The following DIPK1A variants were observed in gnomAD, a reference collection of about 807,000 sequenced individuals.
DIPK1A encodes the protein divergent protein kinase domain 1A.
In DIPK1A, 27 loss-of-function variants were observed where a neutral mutation model predicts 40.8. The observed-to-expected ratio is 0.66, with a 90% CI of 0.49 to 0.91. DIPK1A has a LOEUF of 0.91. DIPK1A is among the 40% of genes least tolerant of loss of function. The pLI, the probability that DIPK1A is intolerant of heterozygous loss-of-function variation, is 0.00. For synonymous variants in DIPK1A, 166 were observed against 171.3 expected, an observed-to-expected ratio of 0.97 and a Z score of 0.24; for missense variants, 412 against 505.7, an observed-to-expected ratio of 0.81 and a Z score of 1.78.
chr1:92,843,848 TC>T lies in DIPK1A; in HGVS notation c.821del (p.Gly274AspfsTer3). On this transcript the variant is annotated frameshift_variant, in exon 5 of 5. Transcript: ENST00000370310. LOFTEE classifies it high-confidence loss of function. ...AAACATCTTCCACAAATTCTAGAAG[TC>T]CTATGGCTATTTTGGCCTTTCTTGG... ...SWPRKAKIAI[G>X]LLEFVEDVFH... 3 of 1,551,792 alleles carry T rather than the reference TC, an allele frequency of 1.9e-6. No homozygotes were observed. Among genetic ancestry groups the T allele is most frequent in the Non-Finnish European group, 2.6e-6 (3 of 1,147,008 alleles).
intron 1 of DIPK1A, among the ~76,000 whole-genome samples, chr1:92,928,742 G>A (rs1326249436): frequency 6.6e-6 from 1 of 152,122 alleles, no homozygotes; most frequent in Non-Finnish European, 1.5e-5. Flanking sequence ...TGGGCAGATC[G>A]CTTGAGCTCA....
At chr1:92,839,856 T>G (rs1323049654), downstream of DIPK1A, among the ~76,000 whole-genome samples, 1 of 152,096 alleles carries the variant, frequency 6.6e-6, no homozygotes, top group Non-Finnish European at 1.5e-5. Context: ...ACTTTTTTTT[T>G]TTGAGGCAGG....
At chr1:92,898,110 AAAAC>A (rs1479448581) in intron 1 of DIPK1A, among the ~76,000 whole-genome samples, 3 of 16,602 alleles carry the variant, frequency 1.8e-4, no homozygotes, top group African/African-American at 3.2e-4. Context: ...AAAAAAACAA[AAAAC>A]AAACAAACAA....
intron 1 of DIPK1A, among the ~76,000 whole-genome samples, chr1:92,950,086 G>C (rs1049902613): frequency 7.9e-5 from 12 of 152,170 alleles, no homozygotes; most frequent in African/African-American, 2.4e-4. Context: ...GGTCACAGAA[G>C]AGGTACACTA....
intron 1 of DIPK1A, among the ~76,000 whole-genome samples, chr1:92,911,291 C>A (rs1192018076): frequency 1.3e-5 from 2 of 152,180 alleles, no homozygotes; most frequent in Non-Finnish European, 2.9e-5. Flanking sequence ...CTGTCTTGTT[C>A]CTTCCACCCT....
At chr1:92,909,988 T>A (rs1035184501) in intron 1 of DIPK1A, among the ~76,000 whole-genome samples, 4 of 152,190 alleles carry the variant, frequency 2.6e-5, no homozygotes, top group African/African-American at 9.6e-5. Context: ...TTGTACCAAA[T>A]AAATCACGAG....
intron 1 of DIPK1A, among the ~76,000 whole-genome samples, chr1:92,894,532 A>C (rs1194811457): frequency 6.6e-6 from 1 of 152,108 alleles, no homozygotes; most frequent in African/African-American, 2.4e-5. Flanking sequence ...ATAGCACTAA[A>C]TGCCCACAAG....
intron 1 of DIPK1A, among the ~76,000 whole-genome samples, chr1:92,897,598 T>C (rs1052323017): frequency 4.6e-5 from 7 of 152,254 alleles, no homozygotes; most frequent in African/African-American, 1.7e-4. Context: ...GTGGCACATG[T>C]ATACATATGT....
At chr1:92,842,069 TTC>T (rs1687388223), downstream of DIPK1A, 15 of 802,168 alleles carry the variant, frequency 1.9e-5, no homozygotes, top group Non-Finnish European at 2.6e-5. Flanking sequence ...TTTCTTGGGC[TTC>T]TGTTTTACCT....
chr1:92,912,003 CAAAAAAAAAAAAA>C lies in DIPK1A; in HGVS notation c.55-35586_55-35574del, dbSNP rs5776162. On this transcript the variant is annotated intron_variant, in intron 1 of 4. Transcript: ENST00000370310. ...TGGGTGACAGAGCAGGACTCCATCT[CAAAAAAAAAAAAA>C]AAAAAAAAAAAAAAAGGGTACGTTT... is the stretch of plus-strand genomic sequence containing the variant. Among the ~76,000 whole-genome samples the C allele has an allele frequency of 4.6e-4, 20 of 43,686 alleles. 1 individual carries two copies. In the South Asian group the frequency reaches 0.014, roughly 30 times the overall value. The allele number at this position is 43,686 out of a possible 152,430, so 28.7% of individuals were successfully genotyped here. A position where few individuals can be genotyped will look rare whatever the true frequency, so the allele number is the denominator to read the frequency against.
intron 1 of DIPK1A, among the ~76,000 whole-genome samples, chr1:92,961,169 C>T (rs1418395814): frequency 6.7e-6 from 1 of 150,352 alleles, no homozygotes. Flanking sequence ...GGCGCGGGAG[C>T]CGCGAGGGCC....
chr1:92,893,034 A>C (rs181447478), intron 1 of DIPK1A, among the ~76,000 whole-genome samples: 16 of 152,220 alleles, frequency 1.1e-4, no homozygotes, highest in East Asian at 1.9e-4. Context: ...GATTGGTGTA[A>C]CTGAAAGTGA....
chr1:92,872,570 G>T (rs952926973), intron 2 of DIPK1A, among the ~76,000 whole-genome samples: 39 of 151,852 alleles, frequency 2.6e-4, no homozygotes, highest in Non-Finnish European at 5.0e-4. Flanking sequence ...TTGATTTTTG[G>T]TCATTTTATT....
At chr1:92,943,172 T>G (rs1479655197) in intron 1 of DIPK1A, among the ~76,000 whole-genome samples, 1 of 152,038 alleles carries the variant, frequency 6.6e-6, no homozygotes, top group African/African-American at 2.4e-5. Context: ...CTCTAACAGC[T>G]GAAAGAAACA....
intron 1 of DIPK1A, chr1:92,934,219 G>T (rs1277642582): frequency 6.6e-6 from 1 of 152,038 alleles, no homozygotes; most frequent in Non-Finnish European, 1.5e-5. Flanking sequence ...AGAAATTCAG[G>T]TATTTAATTT....
chr1:92,851,510 TC>T (rs1687817290), intron 2 of DIPK1A, among the ~76,000 whole-genome samples: 1 of 111,040 alleles, frequency 9.0e-6, no homozygotes. Context: ...GCCACTGCAC[TC>T]CAGCCTGGGT....
chr1:92,843,482 G>A lies in DIPK1A; in HGVS notation c.1188C>T (p.Leu396=). The A allele has an allele frequency of 6.4e-7, 1 of 1,551,436 alleles. No individual in the cohort carries two copies. The highest frequency in any genetic ancestry group is 8.7e-7 in the Non-Finnish European group (1 of 1,146,790). The part of the protein sequence containing the change: ...LEKQLYSCIA[L]KVTANQMEME... ...TTTCCATTTGATTTGCTGTGACTTT[G>A]AGAGCAATACAAGAATAAAGCTGCT... Residue 396 remains leucine, a synonymous_variant, in exon 5 of 5, where the codon CTC becomes CTT. Transcript: ENST00000370310.
chr1:92,858,805 G>A (rs565523465), intron 2 of DIPK1A, among the ~76,000 whole-genome samples: 69 of 152,232 alleles, frequency 4.5e-4, no homozygotes, highest in Middle Eastern at 3.4e-3. Flanking sequence ...GGTTGGCCAC[G>A]TACTGTTTTG....
At chr1:92,856,550 T>C (rs551995310) in intron 2 of DIPK1A, among the ~76,000 whole-genome samples, 27 of 152,160 alleles carry the variant, frequency 1.8e-4, no homozygotes, top group Non-Finnish European at 2.5e-4. Flanking sequence ...CCCAAGTAGC[T>C]GGGATTACAG....
Sources: gnomAD v4.1 joint callset for allele counts (sites outside exome capture counted in the v4.1 genomes callset) on GRCh38, gnomAD v4.1.1 for gene constraint, MANE v1.5 for transcripts, NCBI Gene and HGNC (gene_info 2026-07-23, HGNC 2026-07-21) for gene names.